The following ZNF91 variants were observed in gnomAD, a reference collection of about 807,000 sequenced individuals.
ZNF91 encodes zinc finger protein 91 (HPF7, HTF10).
In ZNF91, 7 loss-of-function variants were observed where a neutral mutation model predicts 12.6. The ratio of observed to expected loss-of-function variants is 0.55; its 90% CI spans 0.31 to 1.04. ZNF91 has a LOEUF of 1.04. Among genes scored for constraint, ZNF91 ranks in the 50% least tolerant of loss-of-function variants. The probability of loss-of-function intolerance (pLI) is 0.05; values close to 1 mark genes in which losing one functional copy is unlikely to be tolerated. For missense variants in ZNF91, 1,217 were observed against 1,385.4 expected, an observed-to-expected ratio of 0.88 and a Z score of 1.93; for synonymous variants, 453 against 462.6, an observed-to-expected ratio of 0.98 and a Z score of 0.27.
downstream of ZNF91, among the ~76,000 whole-genome samples, chr19:23,334,244 A>G (rs295403): frequency 0.29 from 44,401 of 151,958 alleles, 6,845 homozygotes; most frequent in East Asian, 0.39. Flanking sequence ...TATAGTTTGG[A>G]AGTGTTGTGT....
chr19:23,324,582 CAT>C (rs140745217), intron 1 of ZNF91: 2 of 151,042 alleles, frequency 1.3e-5, no homozygotes, highest in African/African-American at 2.4e-5. Context: ...TATATATACA[CAT>C]ATATATTTAT....
At position 23,359,776 on chromosome 19, in the gene ZNF91, T is replaced by C; in HGVS notation, c.3203A>G (p.His1068Arg). The change falls in exon 4 of 4, where the codon CAT becomes CGT. Residue 1068 changes from histidine to arginine, a missense_variant. By Grantham distance (29) the His-to-Arg change is conservative. This residue lies in a region of ZNF91 where 491 missense variants were observed against 489.8 expected (regional missense o/e 1.00). Coordinates refer to ENST00000300619, the MANE Select transcript of ZNF91 (RefSeq NM_003430.4). ...AFISSSTLNGHKRIHTREKPY... is the reference protein window; with the variant it reads ...AFISSSTLNGRKRIHTREKPY... ...TTTCTCTCTAGTATGAATTCTCTTA[T>C]GTCCATTTAGGGTTGAGGATGATAT... 6.2e-7 allele frequency: 1 copy of C among 1,614,116 alleles called. No individual in the cohort carries two copies. The highest frequency in any genetic ancestry group is 8.5e-7 in the Non-Finnish European group (1 of 1,180,010).
intron 3 of ZNF91, among the ~76,000 whole-genome samples, chr19:23,373,457 A>C (rs1476708784): frequency 6.6e-6 from 1 of 150,748 alleles, no homozygotes; most frequent in Non-Finnish European, 1.5e-5. Context: ...GTAAAATGCA[A>C]AAAATTAGCA....
Position 23,358,010 on chromosome 19 carries a change from T to C in ZNF91, c.*1393A>G, listed in dbSNP as rs539365060. The C allele has an allele frequency of 6.6e-6, 1 of 152,242 alleles. No homozygotes were observed. Among genetic ancestry groups the C allele is most frequent in the Admixed American group, 6.5e-5 (1 of 15,290 alleles). The allele number at this position is 152,242 out of a possible 1,614,324, so 9.4% of individuals were successfully genotyped here. On this transcript the variant is annotated 3_prime_UTR_variant, in exon 4 of 4. Transcript: ENST00000300619. ...ATTTAGCCTATGGGAACAATATTCT[T>C]TAACTTAATGGCAATTAAAACTCAC...
intron 3 of ZNF91, among the ~76,000 whole-genome samples, chr19:23,344,115 G>A (rs928371620): frequency 1.3e-5 from 2 of 152,038 alleles, no homozygotes; most frequent in Non-Finnish European, 2.9e-5. Context: ...TTTGTTTTGA[G>A]ATGGAGTCTC....
intron 1 of ZNF91, among the ~76,000 whole-genome samples, chr19:23,394,652 C>A (rs1263216877): frequency 6.6e-6 from 1 of 152,094 alleles, no homozygotes; most frequent in Non-Finnish European, 1.5e-5. Context: ...CGCTTGAACC[C>A]GGAAGGCAGA....
intron 3 of ZNF91, among the ~76,000 whole-genome samples, chr19:23,344,991 T>C (rs1028703133): frequency 2.0e-5 from 3 of 152,208 alleles, no homozygotes; most frequent in Non-Finnish European, 2.9e-5. Flanking sequence ...CCAGTAAGTA[T>C]CCTGGGAGCC....
chr19:23,367,754 C>T (rs1163031699), intron 3 of ZNF91, among the ~76,000 whole-genome samples: 1 of 152,066 alleles, frequency 6.6e-6, no homozygotes, highest in South Asian at 2.1e-4. Context: ...AATAATCTCC[C>T]ACAAAATTGA....
At chr19:23,342,019 A>G (rs545910163) in intron 3 of ZNF91, among the ~76,000 whole-genome samples, 5 of 152,330 alleles carry the variant, frequency 3.3e-5, no homozygotes, top group Admixed American at 2.6e-4. Flanking sequence ...GGGACAAAAG[A>G]TGCTCCTATT....
Position 23,359,481 on chromosome 19 carries a change from C to T in ZNF91, c.3498G>A (p.Trp1166Ter). Residue 1166 changes from tryptophan to a stop codon, truncating the protein, a stop_gained, in exon 4 of 4, where the codon TGG becomes TGA. Transcript: ENST00000300619. LOFTEE classifies it low-confidence loss of function (END_TRUNC). Reference protein sequence around the residue: ...HTITPVIPLLWEAEAGGSRGQ... With the variant: ...HTITPVIPLL ...CTCGTGATCCGCCCGCCTCGGCCTC[C>T]CAAAGTAGTGGGATTACAGGTGTGA... The T allele has an allele frequency of 1.2e-6, 2 of 1,610,960 alleles. No individual in the cohort carries two copies. The highest frequency in any genetic ancestry group is 8.5e-7 in the Non-Finnish European group (1 of 1,177,374).
At chr19:23,321,639 G>C (rs1049444495) in intron 1 of ZNF91, among the ~76,000 whole-genome samples, 1 of 152,094 alleles carries the variant, frequency 6.6e-6, no homozygotes, top group Non-Finnish European at 1.5e-5. Context: ...CCTGTCTTCA[G>C]AAGGTATTGT....
chr19:23,323,000 C>T (rs1322275053), intron 1 of ZNF91, among the ~76,000 whole-genome samples: 1 of 9,642 alleles, frequency 1.0e-4, no homozygotes, highest in Non-Finnish European at 2.1e-4. Context: ...TTCCATCTCT[C>T]CTCCTCCTTT....
intron 3 of ZNF91, chr19:23,342,405 T>A: frequency 3.2e-6 from 1 of 315,612 alleles, no homozygotes; most frequent in Non-Finnish European, 5.8e-6. Flanking sequence ...CAGAAACTTT[T>A]GAATATTTAA....
At chr19:23,384,942 A>G in intron 1 of ZNF91, 1 of 837,652 alleles carries the variant, frequency 1.2e-6, no homozygotes, top group South Asian at 1.3e-5. Flanking sequence ...TTCGGCCAGC[A>G]AAGTTGCCAA....
chr19:23,383,256 C>G (rs2145123324), intron 1 of ZNF91, among the ~76,000 whole-genome samples: 1 of 152,312 alleles, frequency 6.6e-6, no homozygotes, highest in Admixed American at 6.5e-5. Flanking sequence ...AAGATTACCT[C>G]AGTAGATGCA....
At chr19:23,366,711 T>C (rs1421805580) in intron 3 of ZNF91, among the ~76,000 whole-genome samples, 2 of 152,220 alleles carry the variant, frequency 1.3e-5, no homozygotes, top group African/African-American at 4.8e-5. Context: ...AAACCAGCTT[T>C]CATTTGAATT....
chr19:23,376,441 G>A (rs1969507512), intron 1 of ZNF91, among the ~76,000 whole-genome samples: 1 of 151,358 alleles, frequency 6.6e-6, no homozygotes, highest in African/African-American at 2.4e-5. Flanking sequence ...CCAGACTGGA[G>A]TGGAATGGCA....
At position 23,395,313 on chromosome 19, in the gene ZNF91, T is replaced by G; in HGVS notation, c.30+12A>C. On this transcript the variant is annotated intron_variant, in intron 1 of 3. Transcript: ENST00000300619. ...GTTCCCTCTCTCGGGACGTCGCACC[T>G]GGCAGTCTCACCATTTCTAGGCTTC... The G allele has an allele frequency of 1.2e-6, 2 of 1,613,538 alleles. No individual in the cohort carries two copies. The highest frequency in any genetic ancestry group is 2.7e-5 in the African/African-American group (2 of 75,016).
At chr19:23,370,367 G>GTGTT (rs1175507384) in intron 3 of ZNF91, among the ~76,000 whole-genome samples, 2 of 152,176 alleles carry the variant, frequency 1.3e-5, no homozygotes, top group Non-Finnish European at 2.9e-5. Flanking sequence ...AAGTGGAAGG[G>GTGTT]TGTTTGTCAA....
Sources: gnomAD v4.1 joint callset for allele counts (sites outside exome capture counted in the v4.1 genomes callset) on GRCh38, gnomAD v4.1.1 for gene constraint, gnomAD v4.1.1 regional missense constraint, MANE v1.5 for transcripts, NCBI Gene and HGNC (gene_info 2026-07-23, HGNC 2026-07-21) for gene names.